PIBF1: variants seen among roughly 807,000 people sequenced by gnomAD.
PIBF1 encodes the protein progesterone-induced-blocking factor 1.
PIBF1 carries 90 observed loss-of-function variants against 112.5 expected under a neutral mutation model. The ratio of observed to expected loss-of-function variants is 0.80; its 90% CI spans 0.67 to 0.95. The LOEUF (loss-of-function observed/expected upper bound fraction) is 0.95, where lower values mean the gene tolerates loss of function less well. PIBF1 is among the 40% of genes least tolerant of loss of function. The probability of loss-of-function intolerance (pLI) is 0.00; values close to 1 mark genes in which losing one functional copy is unlikely to be tolerated. For synonymous variants in PIBF1, 301 were observed against 288.6 expected, an observed-to-expected ratio of 1.04 and a Z score of -0.44; for missense variants, 915 against 852.3, an observed-to-expected ratio of 1.07 and a Z score of -0.92.
chr13:72,907,013 A>G (rs1009401544), intron 11 of PIBF1, among the ~76,000 whole-genome samples: 9 of 152,110 alleles, frequency 5.9e-5, no homozygotes, highest in Non-Finnish European at 1.3e-4. Context: ...TAATGAATTA[A>G]CAAGTTTCTA....
intron 10 of PIBF1, among the ~76,000 whole-genome samples, chr13:72,866,819 T>A (rs1308070711): frequency 6.6e-6 from 1 of 152,194 alleles, no homozygotes; most frequent in African/African-American, 2.4e-5. Flanking sequence ...TCCTTATTTT[T>A]TTCATTCAAG....
chr13:72,941,025 C>G (rs2041995725), intron 14 of PIBF1, among the ~76,000 whole-genome samples: 1 of 152,200 alleles, frequency 6.6e-6, no homozygotes, highest in South Asian at 2.1e-4. Context: ...GTTATTACTT[C>G]TATCAACAGC....
At chr13:72,930,552 ATAC>A (rs1295457215) in intron 13 of PIBF1, among the ~76,000 whole-genome samples, 1 of 152,214 alleles carries the variant, frequency 6.6e-6, no homozygotes, top group African/African-American at 2.4e-5. Flanking sequence ...GTAATTTTAA[ATAC>A]TAAAGGTCAG....
At chr13:72,885,154 G>A (rs1042205025) in intron 10 of PIBF1, among the ~76,000 whole-genome samples, 1 of 151,966 alleles carries the variant, frequency 6.6e-6, no homozygotes, top group African/African-American at 2.4e-5. Flanking sequence ...TTAGAATGTT[G>A]TCATGTCTCC....
intron 5 of PIBF1, among the ~76,000 whole-genome samples, chr13:72,803,364 T>C (rs2035578095): frequency 6.6e-6 from 1 of 152,138 alleles, no homozygotes; most frequent in Admixed American, 6.5e-5. Context: ...AGGACATTCA[T>C]GTAATTGTTA....
intron 16 of PIBF1, among the ~76,000 whole-genome samples, chr13:72,986,708 G>A (rs935015583): frequency 9.2e-4 from 109 of 117,878 alleles, no homozygotes; most frequent in African/African-American, 3.4e-3. Flanking sequence ...TTTTGAGACA[G>A]AGTCTCGCTC....
intron 7 of PIBF1, among the ~76,000 whole-genome samples, chr13:72,827,412 C>T (rs2036868879): frequency 6.6e-6 from 1 of 151,890 alleles, no homozygotes; most frequent in African/African-American, 2.4e-5. Flanking sequence ...CCATGCCCTA[C>T]TAATTTTTAC....
At chr13:72,840,467 A>T (rs1486314830) in intron 9 of PIBF1, among the ~76,000 whole-genome samples, 3 of 151,398 alleles carry the variant, frequency 2.0e-5, no homozygotes, top group Non-Finnish European at 4.4e-5. Context: ...GTTGAAATGG[A>T]TGAAGTACTT....
chr13:72,874,412 G>A (rs879714298), intron 10 of PIBF1, among the ~76,000 whole-genome samples: 4 of 152,070 alleles, frequency 2.6e-5, no homozygotes, highest in Non-Finnish European at 5.9e-5. Flanking sequence ...TAAAAAAGGA[G>A]GAAACTACTT....
rs151117474 is a variant in PIBF1, at chr13:72,827,165, T to A, written c.915+47T>A. 789 of 893,840 alleles carry A rather than the reference T, an allele frequency of 8.8e-4. 1 individual carries two copies. The highest frequency in any genetic ancestry group is 1.8e-3 in the South Asian group (75 of 42,308). 55.4% of individuals were successfully genotyped at this position (893,840 alleles called of 1,614,324 possible). A position where few individuals can be genotyped will look rare whatever the true frequency, so the allele number is the denominator to read the frequency against. ...CTTATATTATATAGCATAGTATTAG[T>A]GAAAAAAATAGCCCAGAGTAGATTT... On this transcript the variant is annotated intron_variant, in intron 7 of 17. Coordinates refer to ENST00000326291, the MANE Select transcript of PIBF1 (RefSeq NM_006346.4).
At chr13:72,999,754 A>T (rs2043797022) in intron 17 of PIBF1, among the ~76,000 whole-genome samples, 1 of 152,246 alleles carries the variant, frequency 6.6e-6, no homozygotes, top group Non-Finnish European at 1.5e-5. Context: ...TAAAAAAATG[A>T]AAGTTGCAGT....
intron 5 of PIBF1, among the ~76,000 whole-genome samples, chr13:72,814,169 G>A (rs528045913): frequency 2.0e-4 from 30 of 152,270 alleles, no homozygotes; most frequent in Admixed American, 9.2e-4. Flanking sequence ...CGGGTGCAGT[G>A]GCTCACGCCT....
chr13:72,862,826 C>T (rs1279434856), intron 10 of PIBF1, among the ~76,000 whole-genome samples: 1 of 152,072 alleles, frequency 6.6e-6, no homozygotes, highest in African/African-American at 2.4e-5. Flanking sequence ...AACTCATGGA[C>T]TGAGATGTCA....
intron 10 of PIBF1, among the ~76,000 whole-genome samples, chr13:72,879,176 ACT>A: frequency 6.6e-6 from 1 of 150,472 alleles, no homozygotes; most frequent in Admixed American, 6.6e-5. Flanking sequence ...TCTATTTTTC[ACT>A]CTTTTTCTTT....
intron 17 of PIBF1, among the ~76,000 whole-genome samples, chr13:73,014,702 T>C (rs773463131): frequency 1.3e-5 from 2 of 152,142 alleles, no homozygotes; most frequent in Non-Finnish European, 2.9e-5. Context: ...TTCCTCTCAA[T>C]TGTTTTTTAA....
chr13:73,008,805 G>C lies in PIBF1; in HGVS notation c.2224-7064G>C, dbSNP rs989424920. The stretch of plus-strand genomic sequence containing the variant: ...CGGTGCTCAAACCACAAAAATCAAA[G>C]AAGGCATGACATCGAACACCTACTG... On this transcript the variant is annotated intron_variant, in intron 17 of 17. Transcript: ENST00000326291. 6.6e-5 allele frequency among the ~76,000 whole-genome samples: 10 copies of C among 152,106 alleles called. No homozygotes were observed. In the South Asian group the frequency reaches 1.2e-3, roughly 19 times the overall value.
Position 72,827,014 on chromosome 13 carries a change from C to T in PIBF1, c.811C>T (p.Arg271Cys), listed in dbSNP as rs201407853. 6.3e-5 allele frequency: 100 copies of T among 1,579,052 alleles called. No homozygotes were observed. The highest frequency in any genetic ancestry group is 1.7e-4 in the South Asian group (15 of 87,974). The change falls in exon 7 of 18, where the codon CGT (arginine) becomes TGT (cysteine). Residue 271 changes from arginine to cysteine, a missense_variant. Arg to Cys is a radical substitution (Grantham distance 180). Coordinates refer to ENST00000326291, the MANE Select transcript of PIBF1 (RefSeq NM_006346.4). ...QENYDKVKSERDALEQEVIEL... is the reference protein window; with the variant it reads ...QENYDKVKSECDALEQEVIEL... ...CTTTGAATTTTATTTTAACAGTGAA[C>T]GTGATGCACTTGAACAGGAAGTAAT... is the stretch of plus-strand genomic sequence containing the variant.
At chr13:72,870,830 A>G (rs2039130704) in intron 10 of PIBF1, among the ~76,000 whole-genome samples, 1 of 145,384 alleles carries the variant, frequency 6.9e-6, no homozygotes, top group Admixed American at 6.8e-5. Flanking sequence ...AGAATTTTCA[A>G]AAAAAAAAAA....
chr13:72,924,657 A>G (rs1055131943), intron 13 of PIBF1, among the ~76,000 whole-genome samples: 4 of 152,168 alleles, frequency 2.6e-5, no homozygotes, highest in African/African-American at 9.7e-5. Context: ...TCAAGACTGC[A>G]GTAGCCATGT....
Sources: gnomAD v4.1 joint callset for allele counts (sites outside exome capture counted in the v4.1 genomes callset) on GRCh38, gnomAD v4.1.1 for gene constraint, MANE v1.5 for transcripts, NCBI Gene and HGNC (gene_info 2026-07-23, HGNC 2026-07-21) for gene names.